RUFY3: variants seen among roughly 807,000 people sequenced by gnomAD.
RUFY3 encodes RUN and FYVE domain containing 3.
RUFY3 carries 34 observed loss-of-function variants against 84.0 expected under a neutral mutation model. The observed-to-expected ratio is 0.40, with a 90% CI of 0.31 to 0.54. The LOEUF (loss-of-function observed/expected upper bound fraction) is 0.54. RUFY3 is among the 20% of genes least tolerant of loss of function. The pLI, the probability that RUFY3 is intolerant of heterozygous loss-of-function variation, is 0.39. For synonymous variants in RUFY3, 242 were observed against 252.9 expected, an observed-to-expected ratio of 0.96 and a Z score of 0.41; for missense variants, 507 against 736.8, an observed-to-expected ratio of 0.69 and a Z score of 3.61.
chr4:70,715,032 G>A (rs1219360792), intron 1 of RUFY3, among the ~76,000 whole-genome samples: 1 of 152,162 alleles, frequency 6.6e-6, no homozygotes, highest in Admixed American at 6.6e-5. Context: ...AACTTTCTGA[G>A]TATATCAGTT....
intron 1 of RUFY3, among the ~76,000 whole-genome samples, chr4:70,749,548 C>T (rs1451624480): frequency 1.2e-4 from 18 of 146,828 alleles, no homozygotes; most frequent in Admixed American, 6.8e-4. Context: ...TGGTTATATA[C>T]GGAGGTAGAA....
intron 1 of RUFY3, among the ~76,000 whole-genome samples, chr4:70,746,163 G>A (rs1722179055): frequency 6.6e-6 from 1 of 152,160 alleles, no homozygotes; most frequent in African/African-American, 2.4e-5. Context: ...GGGCAACATG[G>A]TGAAACCCTG....
chr4:70,750,034 C>T (rs1287023246), intron 1 of RUFY3, among the ~76,000 whole-genome samples: 5 of 150,408 alleles, frequency 3.3e-5, no homozygotes, highest in East Asian at 2.0e-4. Context: ...GGGTCTCAAC[C>T]CTGTTGCCCA....
At chr4:70,729,895 A>G (rs1398532165) in intron 1 of RUFY3, among the ~76,000 whole-genome samples, 1 of 151,022 alleles carries the variant, frequency 6.6e-6, no homozygotes, top group East Asian at 1.9e-4. Context: ...AAAATCCACA[A>G]GTTATCAGTT....
intron 1 of RUFY3, among the ~76,000 whole-genome samples, chr4:70,758,293 G>C: frequency 6.6e-6 from 1 of 152,144 alleles, no homozygotes; most frequent in East Asian, 1.9e-4. Flanking sequence ...AAAATATTCT[G>C]TGACAAATCA....
At chr4:70,729,711 C>T (rs1337319076) in intron 1 of RUFY3, among the ~76,000 whole-genome samples, 3 of 152,084 alleles carry the variant, frequency 2.0e-5, no homozygotes, top group South Asian at 4.1e-4. Context: ...CAGTTTAAGC[C>T]GGATTCTTCA....
At chr4:70,799,094 G>A (rs560905785) in intron 14 of RUFY3, among the ~76,000 whole-genome samples, 80 of 143,596 alleles carry the variant, frequency 5.6e-4, no homozygotes, top group African/African-American at 1.9e-3. Context: ...GCAGTGAGCC[G>A]AGATCATGCC....
intron 8 of RUFY3, 31 bp downstream of exon 8, chr4:70,778,469 T>G (rs375615341): frequency 8.5e-7 from 1 of 1,178,164 alleles, no homozygotes; most frequent in Admixed American, 1.7e-5. Flanking sequence ...GATTGACTTA[T>G]AGAATTTAAT....
rs118022312 is a variant in RUFY3, at chr4:70,713,557, G to A, written c.358+8263G>A. On this transcript the variant is annotated intron_variant, in intron 1 of 11. Coordinates refer to the RUFY3 transcript ENST00000417478. Reference sequence around the variant, plus strand: ...GCTTTGTCAGAGGGAGTGGTGGGGCGGGGGTGGGAAAGTTTGGAAGAAAGG... The same window carrying A: ...GCTTTGTCAGAGGGAGTGGTGGGGCAGGGGTGGGAAAGTTTGGAAGAAAGG... Among the ~76,000 whole-genome samples the A allele has an allele frequency of 1.6e-3, 246 of 152,182 alleles. 3 individuals carry two copies. In the East Asian group the frequency reaches 0.028, roughly 17 times the overall value.
chr4:70,738,209 C>T (rs1365993368), intron 1 of RUFY3, among the ~76,000 whole-genome samples: 2 of 148,676 alleles, frequency 1.3e-5, no homozygotes, highest in Non-Finnish European at 3.0e-5. Context: ...GGCTGGTCGC[C>T]GCCTCCTGGA....
intron 1 of RUFY3, among the ~76,000 whole-genome samples, chr4:70,712,115 C>T (rs1283661923): frequency 6.6e-6 from 1 of 152,000 alleles, no homozygotes; most frequent in African/African-American, 2.4e-5. Context: ...TAGTTTTATT[C>T]TGGACACTAG....
intron 1 of RUFY3, among the ~76,000 whole-genome samples, chr4:70,723,118 AAGTT>A (rs1332649364): frequency 3.9e-5 from 6 of 152,306 alleles, no homozygotes; most frequent in Admixed American, 6.5e-5. Context: ...TTATAACACT[AAGTT>A]AAGACAACAT....
chr4:70,765,653 G>A (rs1456080383), intron 4 of RUFY3, among the ~76,000 whole-genome samples: 2 of 152,138 alleles, frequency 1.3e-5, no homozygotes, highest in Non-Finnish European at 2.9e-5. Flanking sequence ...TTCCTTCAGA[G>A]GCTATCAAAG....
chr4:70,706,230 T>C (rs1055742251), intron 1 of RUFY3, among the ~76,000 whole-genome samples: 1 of 152,130 alleles, frequency 6.6e-6, no homozygotes, highest in Non-Finnish European at 1.5e-5. Flanking sequence ...CTTTGCTGTA[T>C]GAGTTCTGGA....
chr4:70,756,053 C>G (rs905812643), intron 1 of RUFY3, among the ~76,000 whole-genome samples: 7 of 151,570 alleles, frequency 4.6e-5, no homozygotes, highest in African/African-American at 1.7e-4. Flanking sequence ...TAGTCCAGTG[C>G]TCTTGCTGTA....
chr4:70,754,049 A>C (rs1246472310), intron 1 of RUFY3, among the ~76,000 whole-genome samples: 3 of 143,064 alleles, frequency 2.1e-5, no homozygotes, highest in Non-Finnish European at 4.6e-5. Context: ...TTTATGGTTA[A>C]TTTTTTTTTT....
chr4:70,741,179 G>C (rs1173471939), intron 1 of RUFY3, among the ~76,000 whole-genome samples: 2 of 149,848 alleles, frequency 1.3e-5, no homozygotes, highest in African/African-American at 4.9e-5. Context: ...TTTTTTTTAA[G>C]AAAAGTCACT....
At chr4:70,795,985 C>T (rs1051211357) in intron 14 of RUFY3, among the ~76,000 whole-genome samples, 4 of 152,152 alleles carry the variant, frequency 2.6e-5, no homozygotes, top group African/African-American at 7.2e-5. Context: ...TTGAAGCTTT[C>T]CTGGGCATTT....
chr4:70,790,688 G>A (rs904021994), intron 12 of RUFY3, among the ~76,000 whole-genome samples: 3 of 152,110 alleles, frequency 2.0e-5, no homozygotes, highest in African/African-American at 4.8e-5. Flanking sequence ...TGTCTCCTCC[G>A]ATGCGAGTGT....
Sources: allele counts gnomAD v4.1 joint callset (sites outside exome capture counted in the v4.1 genomes callset), GRCh38; gene constraint gnomAD v4.1.1; transcripts MANE v1.5; gene names NCBI Gene and HGNC (gene_info 2026-07-23, HGNC 2026-07-21).